Variants in EPHA6 observed in about 807,000 individuals in gnomAD.
EPHA6 encodes EPH receptor A6.
EPHA6 carries 50 observed loss-of-function variants against 112.0 expected under a neutral mutation model. The observed-to-expected ratio is 0.45, with a 90% CI of 0.36 to 0.56. The LOEUF (loss-of-function observed/expected upper bound fraction) is 0.56, where lower values mean the gene tolerates loss of function less well. Among genes scored for constraint, EPHA6 ranks in the 20% least tolerant of loss-of-function variants. EPHA6 has a pLI of 0.00. For synonymous variants in EPHA6, 529 were observed against 490.7 expected, an observed-to-expected ratio of 1.08 and a Z score of -1.03; for missense variants, 1,280 against 1,417.4, an observed-to-expected ratio of 0.90 and a Z score of 1.56.
At chr3:97,420,728 C>T (rs544114854) in intron 6 of EPHA6, among the ~76,000 whole-genome samples, 1 of 151,554 alleles carries the variant, frequency 6.6e-6, no homozygotes, top group South Asian at 2.1e-4. Flanking sequence ...CTTAACTGAA[C>T]GAGGGCAGTA....
At chr3:97,734,054 T>C (rs1028953858) in intron 15 of EPHA6, among the ~76,000 whole-genome samples, 4 of 152,080 alleles carry the variant, frequency 2.6e-5, no homozygotes, top group African/African-American at 9.6e-5. Context: ...TGAGTCTAAA[T>C]TGTCTCATTT....
rs931419251 is a variant in EPHA6, at chr3:97,751,586, T to C, written c.*2885T>C. ...CCCCATGATCCCAGGAATATTACAATATTCAGGAATATAAACAGTTAAAAT... is the reference window on the plus strand; with the variant it reads ...CCCCATGATCCCAGGAATATTACAACATTCAGGAATATAAACAGTTAAAAT... On this transcript the variant is annotated 3_prime_UTR_variant, in exon 18 of 18. Transcript: ENST00000389672. Among the ~76,000 whole-genome samples, 12 of 152,120 alleles carry C rather than the reference T, an allele frequency of 7.9e-5. No individual in the cohort carries two copies. The highest frequency in any genetic ancestry group is 1.5e-4 in the Non-Finnish European group (10 of 67,968).
intron 14 of EPHA6, among the ~76,000 whole-genome samples, chr3:97,711,090 T>C (rs867583407): frequency 1.3e-5 from 2 of 151,752 alleles, no homozygotes; most frequent in African/African-American, 4.8e-5. Context: ...TGGTGGGAGG[T>C]GGTTGAATCG....
At chr3:97,533,678 C>T (rs2092720993) in intron 11 of EPHA6, among the ~76,000 whole-genome samples, 2 of 151,894 alleles carry the variant, frequency 1.3e-5, no homozygotes, top group Admixed American at 1.3e-4. Flanking sequence ...AGGCATCTTA[C>T]ATGTTTGTAC....
At chr3:97,573,309 A>G (rs1406929685) in intron 11 of EPHA6, among the ~76,000 whole-genome samples, 1 of 152,226 alleles carries the variant, frequency 6.6e-6, no homozygotes, top group African/African-American at 2.4e-5. Context: ...ACCCAAAAAA[A>G]TAAATACAAA....
chr3:97,326,021 G>GAA (rs58688250), intron 5 of EPHA6, among the ~76,000 whole-genome samples: 34,065 of 151,820 alleles, frequency 0.22, 8,995 homozygotes, highest in African/African-American at 0.62. Flanking sequence ...TAGTTTGATA[G>GAA]AAGTGTATCA....
rs66581386 is a variant in EPHA6 at position 96,994,709 on chromosome 3, GTATATA to G, written c.1114+6735_1114+6740del. On this transcript the variant is annotated intron_variant, in intron 3 of 17. Coordinates refer to ENST00000389672, the MANE Select transcript of EPHA6 (RefSeq NM_001080448.3). ...TGTGTGTGTATGTGTGTGTGTGTGTGTATATATATATATATATATATATAGAGAGAG... is the reference window on the plus strand; with the variant it reads ...TGTGTGTGTATGTGTGTGTGTGTGTGTATATATATATATATATAGAGAGAG... Among the ~76,000 whole-genome samples the G allele has an allele frequency of 1.1e-3, 110 of 98,414 alleles. 2 individuals are homozygous for G. The highest frequency in any genetic ancestry group is 3.1e-3 in the African/African-American group (57 of 18,618). The allele number at this position is 98,414 out of a possible 152,430, so 64.6% of individuals were successfully genotyped here. A position where few individuals can be genotyped will look rare whatever the true frequency, so the allele number is the denominator to read the frequency against.
At chr3:97,436,969 C>T (rs923112058) in intron 6 of EPHA6, among the ~76,000 whole-genome samples, 3 of 151,730 alleles carry the variant, frequency 2.0e-5, no homozygotes, top group African/African-American at 4.8e-5. Flanking sequence ...GCGGCCCACA[C>T]GTGGCCCAGG....
At chr3:97,457,898 T>C (rs982620342) in intron 7 of EPHA6, among the ~76,000 whole-genome samples, 10 of 151,502 alleles carry the variant, frequency 6.6e-5, no homozygotes, top group African/African-American at 2.2e-4. Flanking sequence ...AACCCCCCTC[T>C]CTACTAAAAA....
At chr3:97,205,087 A>G (rs2077681504) in intron 3 of EPHA6, among the ~76,000 whole-genome samples, 2 of 152,130 alleles carry the variant, frequency 1.3e-5, no homozygotes, top group Admixed American at 1.3e-4. Flanking sequence ...GTTTCACAAA[A>G]GCACTCATTC....
At chr3:97,108,487 A>G (rs2047631803) in intron 3 of EPHA6, among the ~76,000 whole-genome samples, 1 of 152,182 alleles carries the variant, frequency 6.6e-6, no homozygotes, top group Admixed American at 6.6e-5. Context: ...AGTACAAGGC[A>G]TTGCCAAGGA....
At chr3:97,669,592 TC>T (rs1194585896) in intron 14 of EPHA6, among the ~76,000 whole-genome samples, 1 of 147,494 alleles carries the variant, frequency 6.8e-6, no homozygotes, top group African/African-American at 2.5e-5. Context: ...TGATATCCCA[TC>T]TTAAAAAAAA....
chr3:96,978,097 T>A (rs1189181129), intron 2 of EPHA6, among the ~76,000 whole-genome samples: 3 of 152,084 alleles, frequency 2.0e-5, no homozygotes, highest in African/African-American at 7.2e-5. Context: ...GACATGGAGG[T>A]TGCAGTGACC....
intron 14 of EPHA6, among the ~76,000 whole-genome samples, chr3:97,683,844 A>G (rs2032047164): frequency 6.6e-6 from 1 of 152,138 alleles, no homozygotes; most frequent in Non-Finnish European, 1.5e-5. Flanking sequence ...AGAGGAAGAA[A>G]AGGAATTGTT....
intron 2 of EPHA6, among the ~76,000 whole-genome samples, chr3:96,967,682 TTG>T (rs149291564): frequency 0.024 from 3,557 of 149,200 alleles, 143 homozygotes; most frequent in African/African-American, 0.081. Context: ...TGAGTAACAG[TTG>T]TGTGTGTGTG....
rs2036109847 is a variant in EPHA6 at position 97,759,648 on chromosome 3, T to C, written c.*10947T>C. The C allele has an allele frequency of 4.4e-6, 1 of 229,740 alleles. No individual in the cohort carries two copies. Among genetic ancestry groups the C allele is most frequent in the Non-Finnish European group, 8.6e-6 (1 of 115,868 alleles). The allele number at this position is 229,740 out of a possible 1,614,324, so 14.2% of individuals were successfully genotyped here. A position where few individuals can be genotyped will look rare whatever the true frequency, so the allele number is the denominator to read the frequency against. On this transcript the variant is annotated 3_prime_UTR_variant, in exon 18 of 18. Coordinates refer to ENST00000389672, the MANE Select transcript of EPHA6 (RefSeq NM_001080448.3). ...ACTCCAATGAAAGGAAGGCAGAATG[T>C]GTAATGTGCAAATAGGTTGGTATAT...
intron 2 of EPHA6, among the ~76,000 whole-genome samples, chr3:96,905,129 A>G (rs2038861857): frequency 1.3e-5 from 2 of 152,112 alleles, no homozygotes; most frequent in African/African-American, 4.8e-5. Context: ...AAAATTTTTA[A>G]GAGAACTAAG....
chr3:97,406,888 G>A (rs76890240), intron 6 of EPHA6, among the ~76,000 whole-genome samples: 18,279 of 151,996 alleles, frequency 0.12, 3,515 homozygotes, highest in African/African-American at 0.4. Flanking sequence ...TCACAAGAAA[G>A]CATATGTTTT....
In EPHA6 at chr3:97,716,425, G is replaced by A. The variant is rs113419679; in HGVS notation, c.2785-3836G>A. Among the ~76,000 whole-genome samples the A allele has an allele frequency of 6.9e-3, 966 of 141,006 alleles. 32 individuals carry two copies. The highest frequency in any genetic ancestry group is 9.2e-3 in the Non-Finnish European group (621 of 67,454). 92.5% of individuals were successfully genotyped at this position (141,006 alleles called of 152,430 possible). A position where few individuals can be genotyped will look rare whatever the true frequency, so the allele number is the denominator to read the frequency against. ...CTACTAAAAATACAAAAAATTAGCC[G>A]GGCGCGGTGGCGGGCGCCTGTAGTC... On this transcript the variant is annotated intron_variant, in intron 14 of 17. Coordinates refer to ENST00000389672, the MANE Select transcript of EPHA6 (RefSeq NM_001080448.3).
Sources: gnomAD v4.1 joint callset for allele counts (sites outside exome capture counted in the v4.1 genomes callset) on GRCh38, gnomAD v4.1.1 for gene constraint, MANE v1.5 for transcripts, NCBI Gene and HGNC (gene_info 2026-07-23, HGNC 2026-07-21) for gene names.